Variants in TMEM135 observed in about 807,000 individuals in gnomAD.
TMEM135 encodes the protein peroxisomal membrane protein 52.
TMEM135 carries 30 observed loss-of-function variants against 60.3 expected under a neutral mutation model. The observed-to-expected ratio is 0.50, with a 90% CI of 0.37 to 0.68. TMEM135 has a LOEUF of 0.68. TMEM135 is among the 30% of genes least tolerant of loss of function. The pLI is 0.00. For missense variants in TMEM135, 468 were observed against 548.8 expected, an observed-to-expected ratio of 0.85 and a Z score of 1.47; for synonymous variants, 190 against 186.7, an observed-to-expected ratio of 1.02 and a Z score of -0.14.
At chr11:87,080,488 A>G (rs898394836) in intron 3 of TMEM135, among the ~76,000 whole-genome samples, 3 of 152,134 alleles carry the variant, frequency 2.0e-5, no homozygotes, top group African/African-American at 7.2e-5. Flanking sequence ...AAAAGTGTAA[A>G]ATCTTCAACT....
At chr11:87,072,314 C>A (rs1856787031) in intron 3 of TMEM135, among the ~76,000 whole-genome samples, 1 of 152,148 alleles carries the variant, frequency 6.6e-6, no homozygotes, top group African/African-American at 2.4e-5. Flanking sequence ...CTGTACTTCG[C>A]TTACTTTGCT....
At position 87,321,802 on chromosome 11, in the gene TMEM135, G is replaced by A. The variant is rs2134541736; in HGVS notation, c.*469G>A. The A allele has an allele frequency of 2.2e-6, 1 of 454,490 alleles. No individual in the cohort carries two copies. Among genetic ancestry groups the A allele is most frequent in the African/African-American group, 2.0e-5 (1 of 50,096 alleles). 28.2% of individuals were successfully genotyped at this position (454,490 alleles called of 1,614,324 possible). On this transcript the variant is annotated 3_prime_UTR_variant, in exon 15 of 15. Transcript: ENST00000305494. ...TTAAAGTTTTGAATTGGTATCTGTA[G>A]TAGTGGAATGTTATAGATTTGAAGT...
At chr11:87,170,590 C>G (rs1480492019) in intron 5 of TMEM135, among the ~76,000 whole-genome samples, 1 of 152,012 alleles carries the variant, frequency 6.6e-6, no homozygotes, top group African/African-American at 2.4e-5. Context: ...TACTCCAGAC[C>G]CTGTTTGCAT....
At chr11:87,086,745 A>G (rs987463908) in intron 3 of TMEM135, among the ~76,000 whole-genome samples, 3 of 152,216 alleles carry the variant, frequency 2.0e-5, no homozygotes, top group African/African-American at 7.2e-5. Context: ...GTGGGGATTA[A>G]TTGGAGGAAA....
chr11:87,235,119 A>G (rs1940968154), intron 5 of TMEM135, among the ~76,000 whole-genome samples: 2 of 152,052 alleles, frequency 1.3e-5, no homozygotes, highest in African/African-American at 4.8e-5. Flanking sequence ...AATTATAACC[A>G]GTAAATAAAC....
At chr11:87,043,456 TGTCTGAC>T (rs1247764728) in intron 1 of TMEM135, among the ~76,000 whole-genome samples, 1 of 151,944 alleles carries the variant, frequency 6.6e-6, no homozygotes, top group African/African-American at 2.4e-5. Context: ...CTGGGTGCGG[TGTCTGAC>T]GCCTGTAATC....
At chr11:87,157,450 G>C (rs994875005) in intron 5 of TMEM135, 44 bp downstream of exon 5, 1 of 1,540,310 alleles carries the variant, frequency 6.5e-7, no homozygotes, top group African/African-American at 1.4e-5. Flanking sequence ...TTAATTTATA[G>C]TTTGCGATTT....
chr11:87,223,182 T>A (rs1940682359), intron 5 of TMEM135, among the ~76,000 whole-genome samples: 1 of 141,576 alleles, frequency 7.1e-6, no homozygotes, highest in African/African-American at 2.5e-5. Context: ...TTTTTTTTTC[T>A]GAGATGGAGT....
chr11:87,161,594 T>G (rs1247529568), intron 5 of TMEM135, among the ~76,000 whole-genome samples: 1 of 152,198 alleles, frequency 6.6e-6, no homozygotes, highest in Non-Finnish European at 1.5e-5. Flanking sequence ...GCTTCTTAAT[T>G]AAATCATTTA....
rs1554989888 is a variant in TMEM135 at position 87,325,489 on chromosome 11, G to GCTCTCTCTCTCTCCCTCT, written c.*4169_*4186dup. ...ATTATTCTGTTGCTGTTTTATGTGG[G>GCTCTCTCTCTCTCCCTCT]CTCTCTCTCTCTCCCTCTCTCTCTC... On this transcript the variant is annotated 3_prime_UTR_variant, in exon 15 of 15. Coordinates refer to ENST00000305494, the MANE Select transcript of TMEM135 (RefSeq NM_022918.4). 5 of 453,148 alleles carry GCTCTCTCTCTCTCCCTCT rather than the reference G, an allele frequency of 1.1e-5. No homozygotes were observed. Among genetic ancestry groups the GCTCTCTCTCTCTCCCTCT allele is most frequent in the Non-Finnish European group, 1.8e-5 (4 of 226,492 alleles). The allele number at this position is 453,148 out of a possible 1,614,324, so 28.1% of individuals were successfully genotyped here. A position where few individuals can be genotyped will look rare whatever the true frequency, so the allele number is the denominator to read the frequency against.
chr11:87,196,665 T>A (rs1325594743), intron 5 of TMEM135, among the ~76,000 whole-genome samples: 1 of 152,132 alleles, frequency 6.6e-6, no homozygotes, highest in Non-Finnish European at 1.5e-5. Context: ...TGTCAGGAAG[T>A]AGACTTCAAA....
chr11:87,320,444 C>T (rs1942801426), intron 14 of TMEM135, among the ~76,000 whole-genome samples: 1 of 152,116 alleles, frequency 6.6e-6, no homozygotes, highest in Non-Finnish European at 1.5e-5. Context: ...TGGAAGGGAA[C>T]TTACTTTGGA....
intron 4 of TMEM135, among the ~76,000 whole-genome samples, chr11:87,131,397 G>C (rs115188902): frequency 5.5e-4 from 70 of 127,750 alleles, no homozygotes; most frequent in African/African-American, 2.1e-3. Context: ...CAGAATGGGA[G>C]AATTGTTTGT....
At chr11:87,094,320 G>C (rs1591013982) in intron 4 of TMEM135, among the ~76,000 whole-genome samples, 1 of 152,066 alleles carries the variant, frequency 6.6e-6, no homozygotes, top group Admixed American at 6.6e-5. Flanking sequence ...CACGCTACAG[G>C]TTCTTATTAT....
At chr11:87,226,374 G>T (rs1384060508) in intron 5 of TMEM135, among the ~76,000 whole-genome samples, 1 of 152,028 alleles carries the variant, frequency 6.6e-6, no homozygotes, top group Middle Eastern at 3.2e-3. Flanking sequence ...TTTGACCATT[G>T]AATTTTCTTT....
intron 5 of TMEM135, among the ~76,000 whole-genome samples, chr11:87,168,094 C>A (rs1229119917): frequency 6.6e-6 from 1 of 152,284 alleles, no homozygotes; most frequent in South Asian, 2.1e-4. Flanking sequence ...AGTTTATTTG[C>A]ATAGAGGTGT....
intron 5 of TMEM135, among the ~76,000 whole-genome samples, chr11:87,223,617 C>T (rs1285939483): frequency 1.3e-5 from 2 of 151,858 alleles, no homozygotes; most frequent in African/African-American, 2.4e-5. Context: ...TCCAGACCAG[C>T]CTCGCCAACA....
intron 4 of TMEM135, among the ~76,000 whole-genome samples, chr11:87,145,313 T>C (rs1051605250): frequency 3.9e-5 from 6 of 152,214 alleles, no homozygotes; most frequent in Non-Finnish European, 7.4e-5. Context: ...TCACCTTTTC[T>C]TTATCCATTC....
At chr11:87,201,762 A>T (rs535384) in intron 5 of TMEM135, among the ~76,000 whole-genome samples, 19,993 of 152,180 alleles carry the variant, frequency 0.13, 1,368 homozygotes, top group Non-Finnish European at 0.15. Context: ...AATAAGTAGA[A>T]TGAAAAATCT....
Sources: gnomAD v4.1 joint callset for allele counts (sites outside exome capture counted in the v4.1 genomes callset) on GRCh38, gnomAD v4.1.1 for gene constraint, MANE v1.5 for transcripts, NCBI Gene and HGNC (gene_info 2026-07-23, HGNC 2026-07-21) for gene names.